The following REDIC1 variants were observed in gnomAD, a reference collection of about 807,000 sequenced individuals.
The protein encoded by REDIC1 is HEI10 Interacting Protein 1.
chr12:39,852,901 C>A, the REDIC1 span, among the ~76,000 whole-genome samples: 1 of 152,174 alleles, frequency 6.6e-6, no homozygotes, highest in Non-Finnish European at 1.5e-5. Context: ...CCTTCATTCA[C>A]ATAGGGTGTA....
At chr12:39,678,937 A>T in the REDIC1 span, among the ~76,000 whole-genome samples, 3 of 152,306 alleles carry the variant, frequency 2.0e-5, no homozygotes, top group Admixed American at 6.5e-5. Flanking sequence ...TCAGCATAAA[A>T]GGGACATACC....
At chr12:39,674,941 C>T in the REDIC1 span, among the ~76,000 whole-genome samples, 3 of 152,302 alleles carry the variant, frequency 2.0e-5, no homozygotes, top group South Asian at 6.2e-4. Flanking sequence ...GATATGAGTG[C>T]AGAAGCTGCA....
At chr12:39,812,337 T>TTTCTTTTC in the REDIC1 span, among the ~76,000 whole-genome samples, 1 of 135,188 alleles carries the variant, frequency 7.4e-6, no homozygotes, top group Non-Finnish European at 1.5e-5. Context: ...ACTAATTTCT[T>TTTCTTTTC]TTTTCTTTTC....
the REDIC1 span, among the ~76,000 whole-genome samples, chr12:39,731,826 C>T: frequency 2.2e-4 from 9 of 41,398 alleles, no homozygotes; most frequent in Admixed American, 2.8e-3. Flanking sequence ...GTTTCTGCTG[C>T]CTTTCTTTTT....
the REDIC1 span, among the ~76,000 whole-genome samples, chr12:39,712,985 GTGTATATACGTGTATATGTATATATA>G: frequency 4.8e-4 from 2 of 4,164 alleles, no homozygotes; most frequent in Non-Finnish European, 1.2e-3. Flanking sequence ...ATATATACAT[GTGTATATACGTGTATATGTATATATA>G]CATGTGTATA....
chr12:39,817,934 G>C, the REDIC1 span, among the ~76,000 whole-genome samples: 2 of 152,144 alleles, frequency 1.3e-5, no homozygotes, highest in African/African-American at 4.8e-5. Context: ...CACATTCCTT[G>C]AACTTGTCTA....
the REDIC1 span, among the ~76,000 whole-genome samples, chr12:39,680,908 T>C: frequency 6.6e-6 from 1 of 152,194 alleles, no homozygotes; most frequent in South Asian, 2.1e-4. Flanking sequence ...AACTCAGGAA[T>C]GGAAAACCAA....
At chr12:39,694,092 T>G in the REDIC1 span, among the ~76,000 whole-genome samples, 1 of 152,214 alleles carries the variant, frequency 6.6e-6, no homozygotes, top group Non-Finnish European at 1.5e-5. Flanking sequence ...CGATTCTTTT[T>G]CTGTGAATTC....
At chr12:39,635,921 G>A in the REDIC1 span, among the ~76,000 whole-genome samples, 2 of 152,072 alleles carry the variant, frequency 1.3e-5, no homozygotes, top group Admixed American at 6.6e-5. Context: ...TACGAAGTTT[G>A]TACCTATAAA....
the REDIC1 span, among the ~76,000 whole-genome samples, chr12:39,709,742 T>C: frequency 1.3e-5 from 2 of 151,884 alleles, no homozygotes; most frequent in Non-Finnish European, 2.9e-5. Context: ...CATTCTTTCA[T>C]TGGTGGTCAT....
At chr12:39,877,942 AAATCATG>A in the REDIC1 span, among the ~76,000 whole-genome samples, 1 of 152,114 alleles carries the variant, frequency 6.6e-6, no homozygotes, top group Admixed American at 6.5e-5. Context: ...GTTTGGTGCT[AAATCATG>A]AGATTTGGTC....
chr12:39,694,731 T>C, the REDIC1 span, among the ~76,000 whole-genome samples: 1 of 120,602 alleles, frequency 8.3e-6, no homozygotes, highest in South Asian at 2.9e-4. Context: ...GACCGTGGAC[T>C]GGGGGTGGCA....
the REDIC1 span, among the ~76,000 whole-genome samples, chr12:39,776,109 C>A: frequency 2.6e-5 from 4 of 152,110 alleles, no homozygotes; most frequent in African/African-American, 7.2e-5. Flanking sequence ...ATTGCTGTTC[C>A]CCCCTACAAT....
chr12:39,712,493 C>T, the REDIC1 span, among the ~76,000 whole-genome samples: 1 of 137,336 alleles, frequency 7.3e-6, no homozygotes, highest in Non-Finnish European at 1.6e-5. Flanking sequence ...GGTATATATA[C>T]GACGTATATA....
chr12:39,785,393 G>A, the REDIC1 span, among the ~76,000 whole-genome samples: 2 of 152,232 alleles, frequency 1.3e-5, no homozygotes, highest in East Asian at 3.8e-4. Flanking sequence ...TGGGTGCACA[G>A]AAGTCAAGAA....
chr12:39,906,833 C>T, the REDIC1 span, among the ~76,000 whole-genome samples: 1,181 of 152,088 alleles, frequency 7.8e-3, 17 homozygotes, highest in African/African-American at 0.027. Context: ...CATTTTTGCC[C>T]AATATCCCTT....
At chr12:39,830,929 T>C in the REDIC1 span, among the ~76,000 whole-genome samples, 2 of 152,316 alleles carry the variant, frequency 1.3e-5, no homozygotes, top group African/African-American at 4.8e-5. Context: ...AATCAGTTAC[T>C]CATTGCTCAT....
chr12:39,858,427 C>T, the REDIC1 span, among the ~76,000 whole-genome samples: 2 of 151,846 alleles, frequency 1.3e-5, no homozygotes, highest in Non-Finnish European at 2.9e-5. Context: ...GAAACAGATT[C>T]ATTTTATAGG....
At chr12:39,870,085 A>G in the REDIC1 span, among the ~76,000 whole-genome samples, 2 of 152,212 alleles carry the variant, frequency 1.3e-5, no homozygotes, top group East Asian at 3.8e-4. Context: ...AAAGTGTTTT[A>G]CTGGAATACC....
Sources: allele counts gnomAD v4.1 joint callset (sites outside exome capture counted in the v4.1 genomes callset), GRCh38; gene constraint gnomAD v4.1.1; transcripts MANE v1.5; gene names NCBI Gene and HGNC (gene_info 2026-07-23, HGNC 2026-07-21).